The following PTPRN2 variants were observed in gnomAD, a reference collection of about 807,000 sequenced individuals.
PTPRN2 encodes receptor-type tyrosine-protein phosphatase N2.
In PTPRN2, 74 loss-of-function variants were observed where a neutral mutation model predicts 118.8. That is an observed-to-expected ratio of 0.62 (90% CI 0.52 to 0.76). The LOEUF is 0.76. PTPRN2 is among the 30% of genes least tolerant of loss of function. The probability of loss-of-function intolerance (pLI) is 0.00; values close to 1 mark genes in which losing one functional copy is unlikely to be tolerated. For missense variants in PTPRN2, 1,481 were observed against 1,394.4 expected (o/e 1.06, Z -0.99); for synonymous variants, 641 against 608.0 (o/e 1.05, Z -0.80).
chr7:157,640,946 G>C (rs1804630238), intron 14 of PTPRN2, among the ~76,000 whole-genome samples: 1 of 152,242 alleles, frequency 6.6e-6, no homozygotes, highest in South Asian at 2.1e-4. Context: ...GAATTGAGCA[G>C]TAAAAGGAAT....
At chr7:157,640,661 T>C (rs1384019600) in intron 14 of PTPRN2, among the ~76,000 whole-genome samples, 1 of 152,042 alleles carries the variant, frequency 6.6e-6, no homozygotes, top group African/African-American at 2.4e-5. Flanking sequence ...GGAACCACCA[T>C]CAGACATAGC....
intron 2 of PTPRN2, among the ~76,000 whole-genome samples, chr7:158,336,841 C>T (rs1226421900): frequency 2.4e-4 from 2 of 8,366 alleles, no homozygotes; most frequent in African/African-American, 5.1e-4. Context: ...AGACGTCACT[C>T]ACCCACACTC....
chr7:157,634,833 C>G (rs2150678607), intron 14 of PTPRN2, among the ~76,000 whole-genome samples: 1 of 152,276 alleles, frequency 6.6e-6, no homozygotes, highest in South Asian at 2.1e-4. Flanking sequence ...TTGAGAAAAC[C>G]AGAATTTTTA....
At chr7:158,405,002 T>C (rs1266105588) in intron 2 of PTPRN2, among the ~76,000 whole-genome samples, 2 of 63,746 alleles carry the variant, frequency 3.1e-5, no homozygotes, top group Non-Finnish European at 5.9e-5. Context: ...AGCCTCCAGC[T>C]CCTCGGCCTC....
intron 12 of PTPRN2, among the ~76,000 whole-genome samples, chr7:157,689,832 C>G (rs1797382926): frequency 1.3e-5 from 2 of 152,170 alleles, no homozygotes; most frequent in Admixed American, 1.3e-4. Context: ...TCCCTGCAGG[C>G]CCCCTCGGTT....
intron 5 of PTPRN2, among the ~76,000 whole-genome samples, chr7:158,173,481 C>T (rs974280732): frequency 1.3e-5 from 2 of 152,128 alleles, no homozygotes; most frequent in African/African-American, 4.8e-5. Flanking sequence ...GGATCACATG[C>T]TTCAGAGGGC....
Position 158,139,286 on chromosome 7 carries a change from G to C in PTPRN2, c.911-771C>G, listed in dbSNP as rs531915241. Among the ~76,000 whole-genome samples the C allele has an allele frequency of 6.6e-5, 10 of 152,302 alleles. No individual in the cohort carries two copies. In the South Asian group the frequency reaches 2.1e-3, roughly 32 times the overall value. Reference sequence around the variant, plus strand: ...TCAGCAGAGTGGGGAAATTAAAACAGAATCCAACACACATTCTGTAAGTGA... The same window carrying C: ...TCAGCAGAGTGGGGAAATTAAAACACAATCCAACACACATTCTGTAAGTGA... On this transcript the variant is annotated intron_variant, in intron 6 of 22. Coordinates refer to ENST00000389418, the MANE Select transcript of PTPRN2 (RefSeq NM_002847.5).
rs932633487 is a variant in PTPRN2 at position 158,546,498 on chromosome 7, G to A, written c.112+41060C>T. 1.3e-5 allele frequency among the ~76,000 whole-genome samples: 2 copies of A among 152,208 alleles called. No individual in the cohort carries two copies. The highest frequency in any genetic ancestry group is 2.9e-5 in the Non-Finnish European group (2 of 68,020). On this transcript the variant is annotated intron_variant, in intron 1 of 22. Coordinates refer to ENST00000389418, the MANE Select transcript of PTPRN2 (RefSeq NM_002847.5). This position sits in a 1 kb window ranked among gnomAD's most constrained non-coding sequence, Gnocchi z 5.0. ...GCCCCAGTGTCCCAGGCGCCATGAT[G>A]TCTAAGTGACTATAGGGCCATGAAG... is the stretch of plus-strand genomic sequence containing the variant.
chr7:158,395,991 C>T (rs1396718901), intron 2 of PTPRN2, among the ~76,000 whole-genome samples: 1 of 152,076 alleles, frequency 6.6e-6, no homozygotes, highest in Non-Finnish European at 1.5e-5. Flanking sequence ...CCAGTCCCGC[C>T]GCGACCCATG....
intron 2 of PTPRN2, among the ~76,000 whole-genome samples, chr7:158,355,799 G>C (rs901635891): frequency 6.6e-6 from 1 of 152,156 alleles, no homozygotes; most frequent in Non-Finnish European, 1.5e-5. Context: ...GGAAGAGCGT[G>C]AGCGTGAACC....
intron 12 of PTPRN2, among the ~76,000 whole-genome samples, chr7:157,715,272 C>G (rs1473196647): frequency 2.6e-5 from 4 of 152,150 alleles, no homozygotes; most frequent in African/African-American, 7.2e-5. Context: ...TGAATGAGGC[C>G]CAGGGAGTGT....
rs138532207 is a variant in PTPRN2 at position 158,274,588 on chromosome 7, G to A, written c.277+42231C>T. 8.1e-3 allele frequency among the ~76,000 whole-genome samples: 1,238 copies of A among 152,094 alleles called. 17 individuals carry two copies. The highest frequency in any genetic ancestry group is 0.028 in the African/African-American group (1,175 of 41,524). ...GGATCTAGCGTGTGTGGACGAGCCC[G>A]AGGCGCTCGGCCCAGCTTGTCAGCA... On this transcript the variant is annotated intron_variant, in intron 3 of 22. Coordinates refer to ENST00000389418, the MANE Select transcript of PTPRN2 (RefSeq NM_002847.5).
At chr7:157,662,319 A>G (rs1795928382) in intron 13 of PTPRN2, among the ~76,000 whole-genome samples, 1 of 152,178 alleles carries the variant, frequency 6.6e-6, no homozygotes, top group Admixed American at 6.5e-5. Context: ...AGTTTATTCA[A>G]AATCAGGTTT....
At chr7:157,918,482 G>A (rs1342067177) in intron 11 of PTPRN2, among the ~76,000 whole-genome samples, 6 of 152,170 alleles carry the variant, frequency 3.9e-5, no homozygotes, top group Admixed American at 2.0e-4. Context: ...AGGACGACGC[G>A]TGGGAGCAGG....
intron 13 of PTPRN2, among the ~76,000 whole-genome samples, chr7:157,662,300 A>T (rs1795927643): frequency 6.6e-6 from 1 of 152,146 alleles, no homozygotes; most frequent in Non-Finnish European, 1.5e-5. Context: ...TCCTACTACG[A>T]TGATTATTAG....
At chr7:157,981,053 C>A (rs73520869) in intron 11 of PTPRN2, among the ~76,000 whole-genome samples, 1 of 152,206 alleles carries the variant, frequency 6.6e-6, no homozygotes, top group African/African-American at 2.4e-5. Context: ...TGATGCCCTG[C>A]GCACTCTGGC....
intron 3 of PTPRN2, among the ~76,000 whole-genome samples, chr7:158,255,846 C>T (rs1230044756): frequency 1.3e-5 from 2 of 151,716 alleles, no homozygotes; most frequent in Non-Finnish European, 2.9e-5. Flanking sequence ...AGCCTCAGGG[C>T]ACCCGTCCTC....
At chr7:158,027,065 G>A (rs1381199967) in intron 11 of PTPRN2, among the ~76,000 whole-genome samples, 7 of 152,134 alleles carry the variant, frequency 4.6e-5, no homozygotes, top group East Asian at 3.9e-4. Flanking sequence ...CATCATCTCC[G>A]CTGACCAGGC....
chr7:157,662,433 G>A (rs1408926436), intron 13 of PTPRN2, among the ~76,000 whole-genome samples: 3 of 152,162 alleles, frequency 2.0e-5, no homozygotes, highest in African/African-American at 7.2e-5. Context: ...GCACTCCCAC[G>A]CCACCCAGAG....
Sources: gnomAD v4.1 joint callset for allele counts (sites outside exome capture counted in the v4.1 genomes callset) on GRCh38, gnomAD v4.1.1 for gene constraint, Gnocchi (gnomAD v3.1) non-coding constraint, MANE v1.5 for transcripts, NCBI Gene and HGNC (gene_info 2026-07-23, HGNC 2026-07-21) for gene names.